PRSS22: variants seen among roughly 807,000 people sequenced by gnomAD.
PRSS22 encodes the protein serine protease 22.
In PRSS22, 26 loss-of-function variants were observed where a neutral mutation model predicts 28.0. The observed-to-expected ratio is 0.93, with a 90% CI of 0.68 to 1.29. The LOEUF is 1.29. PRSS22 is among the 50% of genes most tolerant of loss of function. PRSS22 has a pLI of 0.00. For missense variants in PRSS22, 444 were observed against 422.1 expected (o/e 1.05, Z -0.46); for synonymous variants, 217 against 177.9 (o/e 1.22, Z -1.75).
rs1322492618 is a variant in PRSS22 at position 2,857,952 on chromosome 16, G to A, written c.82+71C>T. On this transcript the variant is annotated intron_variant, in intron 1 of 5. Transcript: ENST00000161006. ...GAGAGAGGCAAGGCCAGGAGGGAGA[G>A]AGGGAGGGAGGGAAGGAGGGAAGGA... The A allele has an allele frequency of 2.5e-5, 28 of 1,131,538 alleles. No homozygotes were observed. In the Admixed American group the frequency reaches 8.7e-4, roughly 35 times the overall value. The allele number at this position is 1,131,538 out of a possible 1,614,324, so 70.1% of individuals were successfully genotyped here. A position where few individuals can be genotyped will look rare whatever the true frequency, so the allele number is the denominator to read the frequency against.
chr16:2,857,329 G>A lies in PRSS22; in HGVS notation c.83-481C>T, dbSNP rs377396964. Among the ~76,000 whole-genome samples the A allele has an allele frequency of 6.3e-5, 9 of 143,688 alleles. 1 individual carries two copies. Among genetic ancestry groups the A allele is most frequent in the East Asian group, 4.2e-4 (2 of 4,812 alleles). 94.3% of individuals were successfully genotyped at this position (143,688 alleles called of 152,430 possible). On this transcript the variant is annotated intron_variant, in intron 1 of 5. Transcript: ENST00000161006. ...AGGGGTCCCCAGCGCCCAGTGACGA[G>A]GGGGTCCCAGCGCTCAGTGAGGAGG...
chr16:2,856,108 C>T lies in PRSS22; in HGVS notation c.255G>A (p.Val85=), dbSNP rs774581504. 1 of 1,613,942 alleles carries T rather than the reference C, an allele frequency of 6.2e-7. No individual in the cohort carries two copies. Among genetic ancestry groups the T allele is most frequent in the Non-Finnish European group, 8.5e-7 (1 of 1,179,944 alleles). ...CCTTGAAACAGTGGGCAGCAGTGAT[C>T]ACCCAGCGGCTGGTGAGCAGAGAAC... ...CAGSLLTSRW[V]ITAAHCFKDN... is the part of the protein sequence containing the mutation. Residue 85 remains valine, a synonymous_variant, in exon 3 of 6, where the codon GTG becomes GTA. Transcript: ENST00000161006.
At chr16:2,857,092 G>C in intron 1 of PRSS22, 1 of 595,944 alleles carries the variant, frequency 1.7e-6, no homozygotes, top group Non-Finnish European at 3.0e-6. Context: ...TACCCAGTGA[G>C]GAGGGTCCCT....
intron 2 of PRSS22, 135 bp downstream of exon 2, chr16:2,856,687 C>T: frequency 3.9e-6 from 4 of 1,014,888 alleles, no homozygotes; most frequent in South Asian, 1.4e-5. Flanking sequence ...CTTCCTGCCT[C>T]CCTTCCCCTC....
rs1304066032 is a variant in PRSS22, at chr16:2,853,702, G to T, written c.717+163C>A. ...TGTCTGAACAAATAAGTGAGTGGCTGAGCCAGGCTGAGGCTGGTTCTATGG... is the reference window on the plus strand; with the variant it reads ...TGTCTGAACAAATAAGTGAGTGGCTTAGCCAGGCTGAGGCTGGTTCTATGG... On this transcript the variant is annotated intron_variant, in intron 5 of 5. Coordinates refer to ENST00000161006, the MANE Select transcript of PRSS22 (RefSeq NM_022119.4). This position sits in a 1 kb window ranked among gnomAD's most constrained non-coding sequence, Gnocchi z 4.6. Among the ~76,000 whole-genome samples, 1 of 152,232 alleles carries T rather than the reference G, an allele frequency of 6.6e-6. No individual in the cohort carries two copies. Among genetic ancestry groups the T allele is most frequent in the Non-Finnish European group, 1.5e-5 (1 of 68,042 alleles).
chr16:2,853,101 G>C lies in PRSS22; in HGVS notation c.946C>G (p.Arg316Gly), dbSNP rs753020277. The C allele has an allele frequency of 1.9e-6, 3 of 1,586,304 alleles. No individual in the cohort carries two copies. The highest frequency in any genetic ancestry group is 2.6e-6 in the Non-Finnish European group (3 of 1,172,166). ...CCGCGTCCCGCTGCGCCCTAGGAGCGCGCGGCGGCCCCAGAGCCCTGGCTC... is the reference window on the plus strand; with the variant it reads ...CCGCGTCCCGCTGCGCCCTAGGAGCCCGCGGCGGCCCCAGAGCCCTGGCTC... ...APSQGSGAAA[R>G]S The change falls in exon 6 of 6, where the codon CGC becomes GGC. Residue 316 changes from arginine (R) to glycine (G), a missense_variant. Arg to Gly is a moderately radical substitution (Grantham distance 125). Transcript: ENST00000161006. The surrounding 1 kb of genome is among the most constrained non-coding windows in gnomAD (Gnocchi z 4.6).
In PRSS22 at chr16:2,853,898, G is replaced by C. The variant is rs368817861; in HGVS notation, c.684C>G (p.Ala228=). 2.1e-5 allele frequency: 34 copies of C among 1,614,018 alleles called. No individual in the cohort carries two copies. The highest frequency in any genetic ancestry group is 2.8e-5 in the Non-Finnish European group (33 of 1,180,028). ...QGPITEDMLC[A]GYLEGERDAC... is the part of the protein sequence containing the mutation. ...CATCCCGCTCCCCCTCCAAGTAGCCGGCACACAGCATGTCCTCAGTGATGG... is the reference window on the plus strand; with the variant it reads ...CATCCCGCTCCCCCTCCAAGTAGCCCGCACACAGCATGTCCTCAGTGATGG... The change falls in exon 5 of 6, where the codon GCC becomes GCG. Residue 228 remains alanine, a synonymous_variant. Coordinates refer to ENST00000161006, the MANE Select transcript of PRSS22 (RefSeq NM_022119.4). The surrounding 1 kb of genome is among the most constrained non-coding windows in gnomAD (Gnocchi z 4.6).
chr16:2,854,023 C>T lies in PRSS22; in HGVS notation c.560-1G>A, dbSNP rs1187549057. ...AGGGTCTGAGGGTGGGGCAAGGGAA[C>T]TGGGAGGAAAGAGGACAGAATCAGG... On this transcript the variant is annotated splice_acceptor_variant, in intron 4 of 5. Transcript: ENST00000161006. LOFTEE classifies it high-confidence loss of function. 6.2e-7 allele frequency: 1 copy of T among 1,614,134 alleles called. No homozygotes were observed. The highest frequency in any genetic ancestry group is 1.3e-5 in the African/African-American group (1 of 75,072).
In PRSS22 at chr16:2,853,597, G is replaced by A. The variant is rs530350998; in HGVS notation, c.717+268C>T. ...GCCCCTGAGCTACAGCTGGCTCTGG[G>A]CACTGAGGCGTGGGAAGCCCCCTGA... On this transcript the variant is annotated intron_variant, in intron 5 of 5. Coordinates refer to ENST00000161006, the MANE Select transcript of PRSS22 (RefSeq NM_022119.4). This position sits in a 1 kb window ranked among gnomAD's most constrained non-coding sequence, Gnocchi z 4.6. 4.7e-4 allele frequency among the ~76,000 whole-genome samples: 71 copies of A among 152,364 alleles called. No homozygotes were observed. The highest frequency in any genetic ancestry group is 4.6e-3 in the Admixed American group (71 of 15,304).
At chr16:2,854,247 C>T (rs2069434602) in intron 4 of PRSS22, 1 of 527,256 alleles carries the variant, frequency 1.9e-6, no homozygotes. Context: ...GACCCTACCT[C>T]TTTAATAAAT....
rs752861534 is a variant in PRSS22 at position 2,856,067 on chromosome 16, G to A, written c.281+15C>T. On this transcript the variant is annotated intron_variant, in intron 3 of 5. Transcript: ENST00000161006. ...GGCCTTAGAAGATCAAGTGCCCCAG[G>A]CCGGCTGTACATACTCCTTGAAACA... The A allele has an allele frequency of 2.5e-6, 4 of 1,610,834 alleles. No homozygotes were observed. The highest frequency in any genetic ancestry group is 3.3e-5 in the Admixed American group (2 of 59,932).
At chr16:2,856,938 C>T (rs1567291392) in intron 1 of PRSS22, 90 bp from the exon 2 acceptor site, 46 of 1,421,334 alleles carry the variant, frequency 3.2e-5, no homozygotes, top group Non-Finnish European at 4.4e-5. Context: ...GGAAGGCCCC[C>T]AACACCCAGT....
chr16:2,857,744 C>G (rs930783100), intron 1 of PRSS22: 4 of 327,492 alleles, frequency 1.2e-5, no homozygotes, highest in Admixed American at 4.9e-5. Flanking sequence ...CAGCGGAGGA[C>G]GAGGAGATGG....
rs2069455878 is a variant in PRSS22 at position 2,856,261 on chromosome 16, GT to G, written c.110-9del. 3 of 1,612,788 alleles carry G rather than the reference GT, an allele frequency of 1.9e-6. No individual in the cohort carries two copies. The South Asian group carries it at 3.3e-5, about 18-fold the overall frequency. On this transcript the variant is annotated splice_polypyrimidine_tract_variant and intron_variant, in intron 2 of 5. Transcript: ENST00000161006. ...TCCCACAGGCTGGGGGAACTGGAGG[GT>G]ACGGTCAAGTTTTGTTATCTCCAAC...
chr16:2,854,048 GT>G lies in PRSS22; in HGVS notation c.560-27del, dbSNP rs776556734. ...CTGGGAGGAAAGAGGACAGAATCAG[GT>G]TTGGGGGTCTCCCCTCCTCGTTGCC... On this transcript the variant is annotated intron_variant, in intron 4 of 5. Transcript: ENST00000161006. 6.2e-6 allele frequency: 10 copies of G among 1,613,668 alleles called. No individual in the cohort carries two copies. In the South Asian group the frequency reaches 9.9e-5, roughly 16 times the overall value.
rs2069457300 is a variant in PRSS22, at chr16:2,856,399, T to G, written c.110-146A>C. On this transcript the variant is annotated intron_variant, in intron 2 of 5. Coordinates refer to ENST00000161006, the MANE Select transcript of PRSS22 (RefSeq NM_022119.4). Reference sequence around the variant, plus strand: ...CTCTACCCACATCCCAAGTTTCACTTGCACTCCAAGCTCCACCCACACCCC... The same window carrying G: ...CTCTACCCACATCCCAAGTTTCACTGGCACTCCAAGCTCCACCCACACCCC... 16 of 834,426 alleles carry G rather than the reference T, an allele frequency of 1.9e-5. No homozygotes were observed. The East Asian group carries it at 4.0e-4, about 21-fold the overall frequency. 51.7% of individuals were successfully genotyped at this position (834,426 alleles called of 1,614,324 possible).
intron 2 of PRSS22, among the ~76,000 whole-genome samples, 167 bp from the exon 3 acceptor site, chr16:2,856,420 A>G (rs2069457615): frequency 6.6e-6 from 1 of 150,916 alleles, no homozygotes; most frequent in Non-Finnish European, 1.5e-5. Flanking sequence ...CTCCACCCAC[A>G]CCCCAAGCTC....
In PRSS22 at chr16:2,853,472, C is replaced by T; in HGVS notation, c.718-143G>A. The T allele has an allele frequency of 1.4e-6, 1 of 712,184 alleles. No homozygotes were observed. The highest frequency in any genetic ancestry group is 2.3e-6 in the Non-Finnish European group (1 of 437,560). 44.1% of individuals were successfully genotyped at this position (712,184 alleles called of 1,614,324 possible). A position where few individuals can be genotyped will look rare whatever the true frequency, so the allele number is the denominator to read the frequency against. On this transcript the variant is annotated intron_variant, in intron 5 of 5. Transcript: ENST00000161006. This position sits in a 1 kb window ranked among gnomAD's most constrained non-coding sequence, Gnocchi z 4.6. ...GAGGAGACAGGACCTGAGCTCCACC[C>T]AGGTGAGAAGTCCCCGGCGGCAGAG...
rs1390026539 is a variant in PRSS22 at position 2,857,410 on chromosome 16, C to G, written c.83-562G>C. Among the ~76,000 whole-genome samples the G allele has an allele frequency of 2.0e-5, 3 of 151,988 alleles. No homozygotes were observed. In the South Asian group the frequency reaches 6.3e-4, roughly 32 times the overall value. On this transcript the variant is annotated intron_variant, in intron 1 of 5. Transcript: ENST00000161006. ...AGCGCCCAGTGAGCAGGCGTCCCAG[C>G]GCCCAGTGAGGAGGGGGTCCCCTTG...
Sources: allele counts gnomAD v4.1 joint callset (sites outside exome capture counted in the v4.1 genomes callset), GRCh38; gene constraint gnomAD v4.1.1; non-coding constraint Gnocchi (gnomAD v3.1); transcripts MANE v1.5; gene names NCBI Gene and HGNC (gene_info 2026-07-23, HGNC 2026-07-21).